MTMR7: variants seen among roughly 807,000 people sequenced by gnomAD.
MTMR7 encodes myotubularin related protein 7.
In MTMR7, 76 loss-of-function variants were observed where a neutral mutation model predicts 81.2. That is an observed-to-expected ratio of 0.94 (90% CI 0.78 to 1.13). The LOEUF (loss-of-function observed/expected upper bound fraction) is 1.13. Among genes scored for constraint, MTMR7 ranks in the 50% most tolerant of loss-of-function variants. MTMR7 has a pLI of 0.00. For synonymous variants in MTMR7, 372 were observed against 289.8 expected (o/e 1.28, Z -2.88); for missense variants, 1,044 against 820.0 (o/e 1.27, Z -3.34).
Position 17,300,199 on chromosome 8 carries a change from T to A in MTMR7, c.1646A>T (p.Gln549Leu), listed in dbSNP as rs1179303948. The A allele has an allele frequency of 6.2e-7, 1 of 1,605,702 alleles. No individual in the cohort carries two copies. The highest frequency in any genetic ancestry group is 1.1e-5 in the South Asian group (1 of 90,068). ...EERLEKIQKVQLNCTKVKSKQ... is the reference protein window; with the variant it reads ...EERLEKIQKVLLNCTKVKSKQ... ...ACTCTTCACCTTAGTGCAATTTAACTGGACCTTTTGAATTTTTTCCAGCCT... is the reference window on the plus strand; with the variant it reads ...ACTCTTCACCTTAGTGCAATTTAACAGGACCTTTTGAATTTTTTCCAGCCT... The change falls in exon 14 of 14, where the codon CAG (glutamine) becomes CTG (leucine). Residue 549 changes from glutamine (Q) to leucine (L), a missense_variant. By Grantham distance (113) the Gln-to-Leu change is moderately radical. Transcript: ENST00000180173.
At chr8:17,342,821 A>C (rs1462320287) in intron 5 of MTMR7, among the ~76,000 whole-genome samples, 1 of 151,930 alleles carries the variant, frequency 6.6e-6, no homozygotes, top group Non-Finnish European at 1.5e-5. Flanking sequence ...CAGCAGAGTC[A>C]CTCCAGGGTG....
At chr8:17,395,804 A>G (rs1821228537) in intron 1 of MTMR7, among the ~76,000 whole-genome samples, 1 of 152,236 alleles carries the variant, frequency 6.6e-6, no homozygotes, top group African/African-American at 2.4e-5. Context: ...GTATCCAAGT[A>G]TACAAGTATA....
intron 13 of MTMR7, among the ~76,000 whole-genome samples, chr8:17,300,704 A>T (rs891583429): frequency 6.6e-6 from 1 of 152,220 alleles, no homozygotes; most frequent in African/African-American, 2.4e-5. Context: ...ATCACTACTA[A>T]TTATAAAACA....
At chr8:17,340,617 G>A (rs1819379326) in intron 6 of MTMR7, among the ~76,000 whole-genome samples, 1 of 152,170 alleles carries the variant, frequency 6.6e-6, no homozygotes, top group Non-Finnish European at 1.5e-5. Flanking sequence ...AAAAAGTTAA[G>A]GCTGAGTGGG....
intron 1 of MTMR7, among the ~76,000 whole-genome samples, chr8:17,399,157 A>G (rs1419172260): frequency 1.3e-5 from 2 of 152,008 alleles, no homozygotes; most frequent in Non-Finnish European, 2.9e-5. Flanking sequence ...AAAAAAAAAT[A>G]AAGAGCATCC....
chr8:17,337,898 T>G (rs1305857481), intron 6 of MTMR7, among the ~76,000 whole-genome samples: 1 of 152,058 alleles, frequency 6.6e-6, no homozygotes, highest in African/African-American at 2.4e-5. Context: ...GCTCTGGAAG[T>G]TCTCATGTGG....
At chr8:17,374,270 G>A (rs1820504648) in intron 1 of MTMR7, among the ~76,000 whole-genome samples, 1 of 152,196 alleles carries the variant, frequency 6.6e-6, no homozygotes, top group South Asian at 2.1e-4. Context: ...TGGATCACCT[G>A]AGGTGAGGAG....
At position 17,331,007 on chromosome 8, in the gene MTMR7, G is replaced by A. The variant is rs879638619; in HGVS notation, c.865+143C>T. On this transcript the variant is annotated intron_variant, in intron 7 of 13. Transcript: ENST00000180173. Reference sequence around the variant, plus strand: ...ACAAATAAGAGAAACGTTCTTAAGTGTTTAAAAAGCCACTGTAACATGATA... The same window carrying A: ...ACAAATAAGAGAAACGTTCTTAAGTATTTAAAAAGCCACTGTAACATGATA... 5 of 988,694 alleles carry A rather than the reference G, an allele frequency of 5.1e-6. No homozygotes were observed. In the Admixed American group the frequency reaches 1.2e-4, roughly 24 times the overall value. 61.2% of individuals were successfully genotyped at this position (988,694 alleles called of 1,614,324 possible). A position where few individuals can be genotyped will look rare whatever the true frequency, so the allele number is the denominator to read the frequency against.
At chr8:17,393,961 T>C (rs144348398) in intron 1 of MTMR7, among the ~76,000 whole-genome samples, 1 of 152,308 alleles carries the variant, frequency 6.6e-6, no homozygotes, top group East Asian at 1.9e-4. Context: ...ATGCTCAACA[T>C]AATTAGCTAC....
intron 7 of MTMR7, among the ~76,000 whole-genome samples, chr8:17,321,277 C>T (rs1371718013): frequency 6.6e-6 from 1 of 152,208 alleles, no homozygotes; most frequent in Non-Finnish European, 1.5e-5. Flanking sequence ...CAGGACCAGG[C>T]CCTAGAATGT....
At position 17,338,010 on chromosome 8, in the gene MTMR7, G is replaced by C. The variant is rs547974927; in HGVS notation, c.732+3353C>G. 2.0e-5 allele frequency among the ~76,000 whole-genome samples: 3 copies of C among 152,336 alleles called. No individual in the cohort carries two copies. The East Asian group carries it at 5.8e-4, about 29-fold the overall frequency. ...AAACCTGAGAAGTGCCTGCTTGCCA[G>C]GGTCCACACCTTCTAGAGCAAACTC... On this transcript the variant is annotated intron_variant, in intron 6 of 13. Coordinates refer to ENST00000180173, the MANE Select transcript of MTMR7 (RefSeq NM_004686.5).
At chr8:17,304,329 C>T in intron 12 of MTMR7, 50 bp downstream of exon 12, 1 of 1,587,292 alleles carries the variant, frequency 6.3e-7, no homozygotes, top group Non-Finnish European at 8.6e-7. Context: ...TAAACGGTAC[C>T]AGAATCCAAG....
intron 7 of MTMR7, among the ~76,000 whole-genome samples, chr8:17,327,984 TG>T (rs1173793017): frequency 3.3e-5 from 5 of 152,204 alleles, no homozygotes; most frequent in African/African-American, 1.2e-4. Flanking sequence ...TTATGAAGTG[TG>T]GCAAAGAGCA....
rs74940362 is a variant in MTMR7, at chr8:17,405,089, C to T, written c.24+8180G>A. ...CTGGCCCTGAACTTCTGACCTCAAA[C>T]GATCCGTCCGCCTTGGCCTCCCAAA... On this transcript the variant is annotated intron_variant, in intron 1 of 13. Coordinates refer to ENST00000180173, the MANE Select transcript of MTMR7 (RefSeq NM_004686.5). Among the ~76,000 whole-genome samples, 91 of 152,312 alleles carry T rather than the reference C, an allele frequency of 6.0e-4. No homozygotes were observed. The East Asian group carries it at 7.5e-3, about 13-fold the overall frequency.
At chr8:17,314,214 C>G (rs1036898805) in intron 7 of MTMR7, among the ~76,000 whole-genome samples, 1 of 152,064 alleles carries the variant, frequency 6.6e-6, no homozygotes, top group African/African-American at 2.4e-5. Flanking sequence ...GAGGTTTAGA[C>G]CTATAAAGCC....
At chr8:17,310,843 G>A (rs1817742286) in intron 9 of MTMR7, among the ~76,000 whole-genome samples, 1 of 152,108 alleles carries the variant, frequency 6.6e-6, no homozygotes, top group African/African-American at 2.4e-5. Context: ...CCAAATCATG[G>A]TTAAGAGGTG....
intron 1 of MTMR7, among the ~76,000 whole-genome samples, chr8:17,404,841 G>C (rs1354470046): frequency 1.3e-5 from 2 of 152,076 alleles, no homozygotes; most frequent in East Asian, 1.9e-4. Flanking sequence ...GTTTTGTTTT[G>C]TTGAGACGGA....
chr8:17,353,300 G>C lies in MTMR7; in HGVS notation c.469-4219C>G, dbSNP rs555538525. Among the ~76,000 whole-genome samples the C allele has an allele frequency of 3.3e-5, 5 of 152,256 alleles. No individual in the cohort carries two copies. The South Asian group carries it at 8.3e-4, about 25-fold the overall frequency. On this transcript the variant is annotated intron_variant, in intron 4 of 13. Coordinates refer to ENST00000180173, the MANE Select transcript of MTMR7 (RefSeq NM_004686.5). ...AGGGGCTGTGGTAGGTGGGAATGGG[G>C]AGTTGTTTAATGGGTATAGAGTATC...
chr8:17,361,146 G>T lies in MTMR7; in HGVS notation c.439C>A (p.Gln147Lys), dbSNP rs770566799. The T allele has an allele frequency of 1.2e-6, 2 of 1,614,010 alleles. No homozygotes were observed. Among genetic ancestry groups the T allele is most frequent in the Non-Finnish European group, 1.7e-6 (2 of 1,180,030 alleles). ...TRMGLPNHYWQLSDVNRDYRV... is the reference protein window; with the variant it reads ...TRMGLPNHYWKLSDVNRDYRV... ...TAGTCTCTATTCACATCGCTGAGCT[G>T]CCAGTAATGATTAGGGAGGCCCATC... The change falls in exon 4 of 14, where the codon CAG becomes AAG. Residue 147 changes from glutamine (Q) to lysine (K), a missense_variant. By Grantham distance (53) the Gln-to-Lys change is moderately conservative (BLOSUM62 1). Transcript: ENST00000180173.
Sources: gnomAD v4.1 joint callset for allele counts (sites outside exome capture counted in the v4.1 genomes callset) on GRCh38, gnomAD v4.1.1 for gene constraint, MANE v1.5 for transcripts, NCBI Gene and HGNC (gene_info 2026-07-23, HGNC 2026-07-21) for gene names.